The following IL34 variants were observed in gnomAD, a reference collection of about 807,000 sequenced individuals.
IL34 encodes interleukin-34.
A neutral mutation model predicts 25.3 loss-of-function variants in IL34; 17 were observed. The ratio of observed to expected loss-of-function variants is 0.67; its 90% CI spans 0.46 to 1.01. IL34 has a LOEUF of 1.01. IL34 is among the 50% of genes least tolerant of loss of function. The pLI is 0.00. For synonymous variants in IL34, 174 were observed against 140.9 expected, an observed-to-expected ratio of 1.23 and a Z score of -1.66; for missense variants, 368 against 312.9, an observed-to-expected ratio of 1.18 and a Z score of -1.33.
chr16:70,644,883 G>C (rs2051877055), upstream of IL34, among the ~76,000 whole-genome samples: 1 of 144,410 alleles, frequency 6.9e-6, no homozygotes, highest in South Asian at 2.5e-4. Flanking sequence ...GAAGAGGAAG[G>C]AGGTGGAAGA....
At chr16:70,587,461 C>CG (rs1343184036) in intron 1 of IL34, among the ~76,000 whole-genome samples, 2 of 151,840 alleles carry the variant, frequency 1.3e-5, no homozygotes, top group Non-Finnish European at 2.9e-5. Flanking sequence ...TTAGTAGAGA[C>CG]GGGGTTTCAC....
At chr16:70,644,246 C>A (rs541644856), upstream of IL34, among the ~76,000 whole-genome samples, 188 of 152,154 alleles carry the variant, frequency 1.2e-3, no homozygotes, top group Middle Eastern at 6.8e-3. Context: ...TTTTGTTTTT[C>A]TATTGGTATT....
At chr16:70,582,308 C>T (rs960625470) in intron 1 of IL34, among the ~76,000 whole-genome samples, 1 of 152,264 alleles carries the variant, frequency 6.6e-6, no homozygotes, top group Non-Finnish European at 1.5e-5. Context: ...CTGTCAGCCA[C>T]CCTCCTCGAC....
chr16:70,609,172 G>A (rs567389271), intron 1 of IL34, among the ~76,000 whole-genome samples: 46 of 152,184 alleles, frequency 3.0e-4, no homozygotes, highest in Admixed American at 2.1e-3. Context: ...CCGCCTCCCC[G>A]GTTCAAGCAA....
intron 1 of IL34, among the ~76,000 whole-genome samples, chr16:70,586,237 C>G (rs1223315187): frequency 6.6e-6 from 1 of 152,196 alleles, no homozygotes; most frequent in Non-Finnish European, 1.5e-5. Flanking sequence ...GCTTCCATCT[C>G]TTAGCTATTG....
At chr16:70,621,662 T>G (rs1310551876) in intron 1 of IL34, among the ~76,000 whole-genome samples, 3 of 152,068 alleles carry the variant, frequency 2.0e-5, no homozygotes, top group Non-Finnish European at 2.9e-5. Context: ...GTGAGCAACA[T>G]GGCTGTTTAT....
At chr16:70,643,352 C>G (rs2051832217), upstream of IL34, among the ~76,000 whole-genome samples, 4 of 151,952 alleles carry the variant, frequency 2.6e-5, no homozygotes, top group South Asian at 8.3e-4. Flanking sequence ...GAGTGAGCCA[C>G]TGCACCTGGC....
chr16:70,617,911 CTCTACCTATCCAGTGAAAGTA>C (rs2151833476), intron 1 of IL34, among the ~76,000 whole-genome samples: 1 of 152,002 alleles, frequency 6.6e-6, no homozygotes, highest in South Asian at 2.1e-4. Flanking sequence ...TAGGAAAGGC[CTCTACCTATCCAGTGAAAGTA>C]TCTACCTAGA....
intron 1 of IL34, among the ~76,000 whole-genome samples, chr16:70,653,903 G>T (rs2052145257): frequency 6.6e-6 from 1 of 152,108 alleles, no homozygotes; most frequent in Non-Finnish European, 1.5e-5. Context: ...GTGACCCCCA[G>T]TGGCAAAGGA....
chr16:70,618,886 GT>G (rs1406650276), intron 1 of IL34, among the ~76,000 whole-genome samples: 2 of 152,174 alleles, frequency 1.3e-5, no homozygotes, highest in Non-Finnish European at 2.9e-5. Context: ...GGGGGTCAGG[GT>G]CAGTCCAAGT....
intron 1 of IL34, among the ~76,000 whole-genome samples, chr16:70,612,145 CT>C (rs1227567963): frequency 6.6e-6 from 1 of 152,236 alleles, no homozygotes; most frequent in Non-Finnish European, 1.5e-5. Context: ...CCGATAGGGG[CT>C]GTGTGTTCTG....
intron 4 of IL34, chr16:70,657,382 C>T (rs751755256): frequency 4.1e-5 from 18 of 435,748 alleles, no homozygotes; most frequent in Non-Finnish European, 6.6e-5. Flanking sequence ...TGCCTCTCTC[C>T]CTCTGGATCC....
intron 4 of IL34, among the ~76,000 whole-genome samples, chr16:70,658,660 G>A (rs73575026): frequency 2.0e-5 from 3 of 151,706 alleles, no homozygotes; most frequent in Non-Finnish European, 4.4e-5. Flanking sequence ...TAGTAGAGAC[G>A]GGGTTCTGCC....
chr16:70,645,331 A>G (rs2051901266), upstream of IL34, among the ~76,000 whole-genome samples: 1 of 152,202 alleles, frequency 6.6e-6, no homozygotes, highest in Admixed American at 6.5e-5. Context: ...GGTAAGGGCC[A>G]GCATTCTTTG....
intron 4 of IL34, among the ~76,000 whole-genome samples, chr16:70,657,986 G>A (rs1412154914): frequency 6.6e-6 from 1 of 152,126 alleles, no homozygotes; most frequent in Non-Finnish European, 1.5e-5. Context: ...CCTCTAAAAT[G>A]CCTGAGTTGT....
intron 1 of IL34, among the ~76,000 whole-genome samples, chr16:70,602,474 A>G (rs1211316675): frequency 6.6e-6 from 1 of 152,090 alleles, no homozygotes; most frequent in South Asian, 2.1e-4. Flanking sequence ...TTGAGGCTGC[A>G]GTGAGCCACG....
intron 1 of IL34, among the ~76,000 whole-genome samples, chr16:70,608,269 C>G (rs2151824677): frequency 6.6e-6 from 1 of 151,694 alleles, no homozygotes; most frequent in Non-Finnish European, 1.5e-5. Context: ...GCTGGGATTA[C>G]AGGCATGCAC....
chr16:70,631,140 T>C (rs369686321), intron 1 of IL34, among the ~76,000 whole-genome samples: 7 of 152,358 alleles, frequency 4.6e-5, no homozygotes, highest in South Asian at 2.1e-4. Context: ...AGTTTCCTTA[T>C]ATTGAACCAT....
intron 4 of IL34, among the ~76,000 whole-genome samples, chr16:70,657,858 A>G (rs1213823520): frequency 6.6e-6 from 1 of 152,144 alleles, no homozygotes; most frequent in East Asian, 1.9e-4. Context: ...AACCCACAGA[A>G]CTGTACAACA....
Sources: allele counts gnomAD v4.1 joint callset (sites outside exome capture counted in the v4.1 genomes callset), GRCh38; gene constraint gnomAD v4.1.1; transcripts MANE v1.5; gene names NCBI Gene and HGNC (gene_info 2026-07-23, HGNC 2026-07-21).